The following TBC1D4 variants were observed in gnomAD, a reference collection of about 807,000 sequenced individuals.
TBC1D4 encodes TBC1 domain family member 4, also known as TBC (Tre-2, BUB2, CDC16) domain-containing protein.
In TBC1D4, 121 loss-of-function variants were observed where a neutral mutation model predicts 142.5. The observed-to-expected ratio is 0.85, with a 90% CI of 0.73 to 0.99. The LOEUF (loss-of-function observed/expected upper bound fraction) is 0.99. Ranked by LOEUF, TBC1D4 falls within the 50% of genes least tolerant of loss-of-function variation. The pLI is 0.00. For missense variants in TBC1D4, 1,475 were observed against 1,606.6 expected (o/e 0.92, Z 1.40); for synonymous variants, 630 against 628.2 (o/e 1.00, Z -0.04).
intron 11 of TBC1D4, 49 bp downstream of exon 11, chr13:75,324,188 A>AT: frequency 6.2e-7 from 1 of 1,606,910 alleles, no homozygotes; most frequent in Non-Finnish European, 8.5e-7. Flanking sequence ...ACATATCAGT[A>AT]TATCACTGCA....
intron 1 of TBC1D4, among the ~76,000 whole-genome samples, chr13:75,392,674 T>C (rs1048569830): frequency 1.3e-5 from 2 of 151,514 alleles, no homozygotes; most frequent in Admixed American, 1.3e-4. Context: ...CTCTCTCTGT[T>C]CCCCCAGCTG....
chr13:75,292,965 G>C (rs1166058097), intron 18 of TBC1D4, among the ~76,000 whole-genome samples: 1 of 152,138 alleles, frequency 6.6e-6, no homozygotes, highest in Admixed American at 6.6e-5. Flanking sequence ...GACCAGCCTG[G>C]TCAACATGGT....
chr13:75,441,211 G>A (rs913301725), intron 1 of TBC1D4, among the ~76,000 whole-genome samples: 1 of 152,076 alleles, frequency 6.6e-6, no homozygotes, highest in Non-Finnish European at 1.5e-5. Flanking sequence ...CGCCAAGATC[G>A]CACCACTGCA....
rs1203076207 is a variant in TBC1D4 at position 75,312,740 on chromosome 13, T to C, written c.2381A>G (p.Gln794Arg). 3 of 1,614,054 alleles carry C rather than the reference T, an allele frequency of 1.9e-6. No individual in the cohort carries two copies. Among genetic ancestry groups the C allele is most frequent in the Non-Finnish European group, 2.5e-6 (3 of 1,180,032 alleles). Residue 794 changes from glutamine (Q) to arginine (R), a missense_variant and splice_region_variant, in exon 13 of 21, where the codon CAA becomes CGA. Transcript: ENST00000377636. The stretch of plus-strand genomic sequence containing the variant: ...TCCTTAGGGAGTGCAACACAGACCT[T>C]GCTGTTGCATTGCTGAGGGAGATTT... ...MNKSPSAMQQ[Q>R]DGLDRNELLP...
intron 1 of TBC1D4, among the ~76,000 whole-genome samples, chr13:75,435,066 A>G (rs1886741183): frequency 6.6e-6 from 1 of 151,824 alleles, no homozygotes; most frequent in South Asian, 2.1e-4. Context: ...CCCATTATAT[A>G]ATTACCTGCA....
intron 1 of TBC1D4, among the ~76,000 whole-genome samples, chr13:75,409,049 A>ACG (rs67937447): frequency 4.0e-5 from 6 of 151,532 alleles, no homozygotes; most frequent in African/African-American, 1.5e-4. Flanking sequence ...ACGCACACAC[A>ACG]CACACACACT....
chr13:75,409,741 A>C (rs1885516915), intron 1 of TBC1D4, among the ~76,000 whole-genome samples: 1 of 152,206 alleles, frequency 6.6e-6, no homozygotes, highest in Non-Finnish European at 1.5e-5. Context: ...GGAGGCAATA[A>C]ATGTTCTCTG....
chr13:75,297,360 C>T (rs1004774179), intron 17 of TBC1D4, among the ~76,000 whole-genome samples: 1 of 152,146 alleles, frequency 6.6e-6, no homozygotes, highest in African/African-American at 2.4e-5. Context: ...ACAGGTACTT[C>T]CCTGTATCTT....
At chr13:75,389,320 G>A (rs1284753926) in intron 1 of TBC1D4, among the ~76,000 whole-genome samples, 2 of 152,132 alleles carry the variant, frequency 1.3e-5, no homozygotes, top group Non-Finnish European at 2.9e-5. Context: ...ATTATAAACA[G>A]CCTTGAAAGG....
intron 17 of TBC1D4, among the ~76,000 whole-genome samples, chr13:75,298,648 G>A (rs1246058105): frequency 6.6e-6 from 1 of 152,190 alleles, no homozygotes; most frequent in African/African-American, 2.4e-5. Context: ...AGCTACTGGG[G>A]AGGCTGAGGC....
At chr13:75,298,117 A>T (rs187555192) in intron 17 of TBC1D4, among the ~76,000 whole-genome samples, 1 of 152,320 alleles carries the variant, frequency 6.6e-6, no homozygotes, top group African/African-American at 2.4e-5. Context: ...AAAATAGTAT[A>T]TTTTAAAAGC....
At chr13:75,410,217 T>C (rs1885575823) in intron 1 of TBC1D4, among the ~76,000 whole-genome samples, 1 of 152,322 alleles carries the variant, frequency 6.6e-6, no homozygotes, top group Admixed American at 6.5e-5. Context: ...AAAGCTTTCC[T>C]ATATTACAGC....
intron 8 of TBC1D4, among the ~76,000 whole-genome samples, chr13:75,328,514 T>C (rs1879467926): frequency 6.6e-6 from 1 of 152,184 alleles, no homozygotes; most frequent in Admixed American, 6.5e-5. Context: ...GATTATTCTT[T>C]CTGTTCCCCC....
chr13:75,371,163 T>A (rs1883201688), intron 1 of TBC1D4, among the ~76,000 whole-genome samples: 1 of 152,080 alleles, frequency 6.6e-6, no homozygotes, highest in Non-Finnish European at 1.5e-5. Context: ...TGGAGTAGGT[T>A]CAAAAGAAAT....
chr13:75,349,597 T>A (rs1322251598), intron 4 of TBC1D4, among the ~76,000 whole-genome samples: 1 of 152,248 alleles, frequency 6.6e-6, no homozygotes, highest in Non-Finnish European at 1.5e-5. Flanking sequence ...ACAGAGAGTT[T>A]AATTAGTTAA....
intron 3 of TBC1D4, among the ~76,000 whole-genome samples, chr13:75,359,539 T>C (rs1055860597): frequency 6.6e-6 from 1 of 152,118 alleles, no homozygotes; most frequent in African/African-American, 2.4e-5. Context: ...AAGAGTTGGC[T>C]AAAATGAGGA....
intron 5 of TBC1D4, among the ~76,000 whole-genome samples, chr13:75,345,092 C>G (rs1472741983): frequency 6.6e-6 from 1 of 152,182 alleles, no homozygotes; most frequent in Non-Finnish European, 1.5e-5. Context: ...GAAAAGGTAT[C>G]CAGGTGCTTT....
intron 4 of TBC1D4, among the ~76,000 whole-genome samples, chr13:75,352,614 A>G (rs1437716158): frequency 1.3e-5 from 2 of 152,202 alleles, no homozygotes; most frequent in Non-Finnish European, 2.9e-5. Context: ...GAAAGAAAGA[A>G]AGAAAAGAGA....
At chr13:75,299,247 A>C (rs1259589184) in intron 17 of TBC1D4, 83 bp downstream of exon 17, 1 of 1,599,940 alleles carries the variant, frequency 6.3e-7, no homozygotes, top group Non-Finnish European at 8.5e-7. Flanking sequence ...CATTTCTTTA[A>C]ATCTGAACTG....
Sources: allele counts gnomAD v4.1 joint callset (sites outside exome capture counted in the v4.1 genomes callset), GRCh38; gene constraint gnomAD v4.1.1; transcripts MANE v1.5; gene names NCBI Gene and HGNC (gene_info 2026-07-23, HGNC 2026-07-21).